UBE4A: variants seen among roughly 807,000 people sequenced by gnomAD.
The protein encoded by UBE4A is ubiquitination factor E4A.
Under a neutral mutation model 117.9 loss-of-function variants are expected in UBE4A, and 48 were observed. The ratio of observed to expected loss-of-function variants is 0.41; its 90% CI spans 0.32 to 0.52. The LOEUF (loss-of-function observed/expected upper bound fraction) is 0.52, where lower values mean the gene tolerates loss of function less well. UBE4A is among the 20% of genes least tolerant of loss of function. UBE4A has a pLI of 0.33. For missense variants in UBE4A, 1,067 were observed against 1,296.3 expected (o/e 0.82, Z 2.72); for synonymous variants, 407 against 450.0 (o/e 0.90, Z 1.21).
chr11:118,379,790 T>G (rs1555125999), intron 11 of UBE4A, 40 bp downstream of exon 11: 1 of 1,571,836 alleles, frequency 6.4e-7, no homozygotes, highest in Non-Finnish European at 8.7e-7. Context: ...GTTTATAGCC[T>G]TCTGAGTTTA....
At chr11:118,387,881 G>C (rs1247349822) in intron 16 of UBE4A, among the ~76,000 whole-genome samples, 1 of 152,202 alleles carries the variant, frequency 6.6e-6, no homozygotes, top group African/African-American at 2.4e-5. Flanking sequence ...AAAGGAGCTT[G>C]TGTGGCCACT....
chr11:118,375,168 A>T lies in UBE4A; in HGVS notation c.1389A>T (p.Thr463=). ...CTCGGCTCCTCACCTTTAATCCCAC[A>T]TACTGTGCCCTCAAGGAGTTGAATG... ...RSSRLLTFNP[T]YCALKELNDE... Residue 463 remains threonine (T), a synonymous_variant, in exon 9 of 20, where the codon ACA becomes ACT. Transcript: ENST00000252108. 1 of 1,613,950 alleles carries T rather than the reference A, an allele frequency of 6.2e-7. No individual in the cohort carries two copies. Among genetic ancestry groups the T allele is most frequent in the Non-Finnish European group, 8.5e-7 (1 of 1,179,904 alleles).
chr11:118,396,199 G>T (rs1948870876), intron 19 of UBE4A, 115 bp from the exon 20 acceptor site: 1 of 1,349,728 alleles, frequency 7.4e-7, no homozygotes, highest in Admixed American at 2.8e-5. Context: ...TTGACTCAAA[G>T]TTATAATGCA....
intron 16 of UBE4A, among the ~76,000 whole-genome samples, chr11:118,388,505 C>T (rs1202384257): frequency 2.6e-5 from 4 of 151,878 alleles, no homozygotes; most frequent in Non-Finnish European, 5.9e-5. Context: ...AGAAATTAGC[C>T]AGGTGTGGTG....
At chr11:118,379,407 T>C in intron 10 of UBE4A, 39 bp from the exon 11 acceptor site, 1 of 1,580,188 alleles carries the variant, frequency 6.3e-7, no homozygotes, top group Middle Eastern at 2.2e-4. Flanking sequence ...TGACTTTCTG[T>C]TTTCCCTGAC....
Position 118,389,910 on chromosome 11 carries a change from C to G in UBE4A, c.2768+5C>G, listed in dbSNP as rs1555127954. On this transcript the variant is annotated splice_donor_5th_base_variant and intron_variant, in intron 17 of 19. Transcript: ENST00000252108. ...CACTATCTACTTAAATCTTGGGTAC[C>G]TGAGATTGAAATCTGTCAAGCCAGA... 6.4e-7 allele frequency: 1 copy of G among 1,566,796 alleles called. No individual in the cohort carries two copies. The highest frequency in any genetic ancestry group is 1.7e-5 in the Admixed American group (1 of 58,998).
Position 118,375,101 on chromosome 11 carries a change from C to G in UBE4A, c.1322C>G (p.Ala441Gly). 6.2e-7 allele frequency: 1 copy of G among 1,614,228 alleles called. No homozygotes were observed. The highest frequency in any genetic ancestry group is 8.5e-7 in the Non-Finnish European group (1 of 1,180,032). ...SDAFFLNLGAALLKLCQPFCK... is the reference protein window; with the variant it reads ...SDAFFLNLGAGLLKLCQPFCK... ...GCTTTCTTTCTGAATCTGGGTGCTGCTCTCCTGAAGCTATGCCAGCCATTT... is the reference window on the plus strand; with the variant it reads ...GCTTTCTTTCTGAATCTGGGTGCTGGTCTCCTGAAGCTATGCCAGCCATTT... The change falls in exon 9 of 20, where the codon GCT becomes GGT. Residue 441 changes from alanine to glycine, a missense_variant. Physicochemically the swap from Ala to Gly is moderately conservative, Grantham distance 60. Coordinates refer to ENST00000252108, the MANE Select transcript of UBE4A (RefSeq NM_001204077.2).
Position 118,363,401 on chromosome 11 carries a change from A to T in UBE4A, c.-41-1639A>T, listed in dbSNP as rs146048841. 3.1e-3 allele frequency among the ~76,000 whole-genome samples: 472 copies of T among 152,136 alleles called. 3 individuals carry two copies. The highest frequency in any genetic ancestry group is 0.011 in the African/African-American group (441 of 41,492). ...TACTAAAAATCCAAATAACAGTTCA[A>T]TTCCTTGAAGCAGTAAAGCTTTGAG... On this transcript the variant is annotated intron_variant, in intron 1 of 19. Coordinates refer to ENST00000252108, the MANE Select transcript of UBE4A (RefSeq NM_001204077.2).
At position 118,363,371 on chromosome 11, in the gene UBE4A, G is replaced by T. The variant is rs74420662; in HGVS notation, c.-41-1669G>T. On this transcript the variant is annotated intron_variant, in intron 1 of 19. Transcript: ENST00000252108. The stretch of plus-strand genomic sequence containing the variant: ...AGCCTGGCCAACATGGTGATACCCC[G>T]TCTCTACTAAAAATCCAAATAACAG... 8.7e-3 allele frequency among the ~76,000 whole-genome samples: 1,317 copies of T among 151,936 alleles called. 18 individuals are homozygous for T. Among genetic ancestry groups the T allele is most frequent in the African/African-American group, 0.03 (1,244 of 41,484 alleles).
Position 118,371,624 on chromosome 11 carries a change from T to A in UBE4A, c.519T>A (p.Ile173=), listed in dbSNP as rs73613946. 274 of 1,613,656 alleles carry A rather than the reference T, an allele frequency of 1.7e-4. No homozygotes were observed. In the African/African-American group the frequency reaches 3.5e-3, roughly 20 times the overall value. The part of the protein sequence containing the change: ...SADRDAGERH[I]FCYLYSCFQR... The stretch of plus-strand genomic sequence containing the variant: ...ATCGAGATGCAGGAGAGAGGCACAT[T>A]TTTTGTTACCTTTACTCCTGCTTCC... Residue 173 remains isoleucine (I), a synonymous_variant, in exon 5 of 20, where the codon ATT becomes ATA. Coordinates refer to ENST00000252108, the MANE Select transcript of UBE4A (RefSeq NM_001204077.2).
Position 118,379,506 on chromosome 11 carries a change from G to A in UBE4A, c.1632G>A (p.Arg544=), listed in dbSNP as rs1948681962. 1.2e-6 allele frequency: 2 copies of A among 1,614,060 alleles called. No homozygotes were observed. Among genetic ancestry groups the A allele is most frequent in the African/African-American group, 2.7e-5 (2 of 74,940 alleles). Residue 544 remains arginine, a synonymous_variant, in exon 11 of 20, where the codon CGG becomes CGA. Coordinates refer to ENST00000252108, the MANE Select transcript of UBE4A (RefSeq NM_001204077.2). The part of the protein sequence containing the change: ...QNLHRLQVAW[R]DAQQSSSPAA... ...TGCATCGGCTGCAGGTTGCCTGGCG[G>A]GATGCTCAGCAAAGTTCTAGCCCTG...
At chr11:118,378,346 A>G (rs537192828) in intron 10 of UBE4A, among the ~76,000 whole-genome samples, 14 of 152,310 alleles carry the variant, frequency 9.2e-5, no homozygotes, top group Admixed American at 3.9e-4. Flanking sequence ...AAGGGAGCTA[A>G]TGAGATCAAT....
intron 2 of UBE4A, among the ~76,000 whole-genome samples, chr11:118,365,596 T>G (rs982441149): frequency 1.3e-5 from 2 of 152,216 alleles, no homozygotes; most frequent in African/African-American, 4.8e-5. Flanking sequence ...GCAAGTCATG[T>G]GCAGCTATAG....
rs375281665 is a variant in UBE4A at position 118,386,450 on chromosome 11, A to G, written c.2425A>G (p.Ile809Val). The part of the protein sequence containing the change: ...LDEAIQYLSK[I>V]KIQQIEKDRG... The stretch of plus-strand genomic sequence containing the variant: ...CTGGTTTCTGCAGTATTTGAGCAAG[A>G]TAAAGATTCAGCAAATTGAGAAGGA... Residue 809 changes from isoleucine (I) to valine (V), a missense_variant, in exon 16 of 20, where the codon ATA (isoleucine) becomes GTA (valine). Physicochemically the swap from Ile to Val is conservative, Grantham distance 29. This residue lies in a region of UBE4A where 1,001 missense variants were observed against 1,184.0 expected (regional missense o/e 0.85). Transcript: ENST00000252108. The G allele has an allele frequency of 5.0e-6, 8 of 1,607,074 alleles. No homozygotes were observed. Among genetic ancestry groups the G allele is most frequent in the Non-Finnish European group, 6.8e-6 (8 of 1,177,854 alleles).
intron 9 of UBE4A, among the ~76,000 whole-genome samples, chr11:118,375,674 C>T (rs1415499004): frequency 6.6e-6 from 1 of 151,210 alleles, no homozygotes; most frequent in Non-Finnish European, 1.5e-5. Context: ...TTTTAAAAGA[C>T]AGATGTTTGA....
Position 118,373,652 on chromosome 11 carries a change from G to C in UBE4A, c.1083G>C (p.Gln361His). ...TGAATCCATCTCGTTCCAGCCCCCA[G>C]GAGATCAAAGTACAGGAGGCCAACA... ...YFLNPSRSSP[Q>H]EIKVQEANIH... The change falls in exon 8 of 20, where the codon CAG becomes CAC. Residue 361 changes from glutamine (Q) to histidine (H), a missense_variant. Coordinates refer to ENST00000252108, the MANE Select transcript of UBE4A (RefSeq NM_001204077.2). 1 of 1,614,138 alleles carries C rather than the reference G, an allele frequency of 6.2e-7. No individual in the cohort carries two copies. The highest frequency in any genetic ancestry group is 8.5e-7 in the Non-Finnish European group (1 of 1,180,026).
Position 118,369,546 on chromosome 11 carries a change from T to C in UBE4A, c.408+11T>C, listed in dbSNP as rs771722350. 1.9e-5 allele frequency: 30 copies of C among 1,607,440 alleles called. No individual in the cohort carries two copies. The highest frequency in any genetic ancestry group is 1.8e-5 in the Non-Finnish European group (21 of 1,174,054). Reference sequence around the variant, plus strand: ...AGCAATGTTGAGCAGGTAATATTCTTACGTTCCTAATGTGTGCCCTTAGCA... The same window carrying C: ...AGCAATGTTGAGCAGGTAATATTCTCACGTTCCTAATGTGTGCCCTTAGCA... On this transcript the variant is annotated intron_variant, in intron 4 of 19. Transcript: ENST00000252108.
intron 2 of UBE4A, among the ~76,000 whole-genome samples, chr11:118,368,352 A>G (rs1948581801): frequency 6.6e-6 from 1 of 152,216 alleles, no homozygotes; most frequent in African/African-American, 2.4e-5. Flanking sequence ...TTTGTTCACT[A>G]GGATTCTGTA....
intron 19 of UBE4A, 52 bp downstream of exon 19, chr11:118,392,947 T>C: frequency 6.4e-7 from 1 of 1,565,268 alleles, no homozygotes; most frequent in Non-Finnish European, 8.7e-7. Flanking sequence ...ATTAGTTTGC[T>C]ATCTTTTTCT....
Sources: gnomAD v4.1 joint callset for allele counts (sites outside exome capture counted in the v4.1 genomes callset) on GRCh38, gnomAD v4.1.1 for gene constraint, gnomAD v4.1.1 regional missense constraint, MANE v1.5 for transcripts, NCBI Gene and HGNC (gene_info 2026-07-23, HGNC 2026-07-21) for gene names.